Variants in PHIP observed in about 807,000 individuals in gnomAD.
PHIP encodes PH-interacting protein.
A neutral mutation model predicts 236.8 loss-of-function variants in PHIP; 54 were observed. The observed-to-expected ratio is 0.23, with a 90% CI of 0.18 to 0.29. The LOEUF is 0.29. Among genes scored for constraint, PHIP ranks in the 10% least tolerant of loss-of-function variants. The pLI is 1.00. For synonymous variants in PHIP, 756 were observed against 718.9 expected (o/e 1.05, Z -0.83); for missense variants, 1,370 against 2,190.8 (o/e 0.63, Z 7.48).
intron 9 of PHIP, 135 bp downstream of exon 9, chr6:79,025,384 G>A (rs773968792): frequency 1.7e-6 from 1 of 573,910 alleles, no homozygotes; most frequent in African/African-American, 1.9e-5. Context: ...GGTTAGTAAA[G>A]AGCCAAAAGA....
chr6:78,975,428 G>A (rs1483867570), intron 24 of PHIP, among the ~76,000 whole-genome samples: 9 of 152,138 alleles, frequency 5.9e-5, no homozygotes, highest in Admixed American at 3.3e-4. Context: ...TACTGAATGG[G>A]CAAAAACTGG....
intron 7 of PHIP, among the ~76,000 whole-genome samples, chr6:79,029,410 G>A (rs1320327808): frequency 3.3e-5 from 5 of 152,032 alleles, no homozygotes; most frequent in Non-Finnish European, 7.4e-5. Context: ...ACTCTTTTAA[G>A]ATGACTATAC....
intron 19 of PHIP, among the ~76,000 whole-genome samples, chr6:78,991,292 G>C (rs180871680): frequency 4.6e-5 from 7 of 151,570 alleles, no homozygotes; most frequent in Non-Finnish European, 1.5e-5. Flanking sequence ...ATTTTTCCAA[G>C]AGTGAGAAAT....
rs532096753 is a variant in PHIP, at chr6:79,008,834, G to A, written c.1525-4976C>T. Among the ~76,000 whole-genome samples, 16 of 152,190 alleles carry A rather than the reference G, an allele frequency of 1.1e-4. No homozygotes were observed. In the South Asian group the frequency reaches 3.1e-3, roughly 30 times the overall value. On this transcript the variant is annotated intron_variant, in intron 15 of 39. Coordinates refer to ENST00000275034, the MANE Select transcript of PHIP (RefSeq NM_017934.7). Reference sequence around the variant, plus strand: ...TATTACAAATGAACTGAATAAAGAAGTCAGTTCTCCCTTATGTCTTTCATA... The same window carrying A: ...TATTACAAATGAACTGAATAAAGAAATCAGTTCTCCCTTATGTCTTTCATA...
intron 9 of PHIP, among the ~76,000 whole-genome samples, chr6:79,021,820 A>T (rs1242640023): frequency 6.6e-6 from 1 of 152,164 alleles, no homozygotes; most frequent in Non-Finnish European, 1.5e-5. Flanking sequence ...ATAGCACAAC[A>T]GGGTAACTAT....
chr6:78,961,747 A>C lies in PHIP; in HGVS notation c.3599T>G (p.Val1200Gly). ...TGTACTTAGATCCGTTGGATATGCCACTACTGTGCAATACATGGGATAGGC... is the reference window on the plus strand; with the variant it reads ...TGTACTTAGATCCGTTGGATATGCCCCTACTGTGCAATACATGGGATAGGC... Reference protein sequence around the residue: ...LQAYPMYCTVVAYPTDLSTIK... With the variant: ...LQAYPMYCTVGAYPTDLSTIK... Residue 1200 changes from valine to glycine, a missense_variant, in exon 31 of 40, where the codon GTG (valine) becomes GGG (glycine). Transcript: ENST00000275034. 1 of 1,612,392 alleles carries C rather than the reference A, an allele frequency of 6.2e-7. No individual in the cohort carries two copies. Among genetic ancestry groups the C allele is most frequent in the South Asian group, 1.1e-5 (1 of 91,010 alleles).
chr6:79,060,663 C>A lies in PHIP; in HGVS notation c.340+5G>T. ...TGTCTAAATCCTATGAGAAAATTTT[C>A]ATACTTTTATTTGTGCGTAGTAAAG... is the stretch of plus-strand genomic sequence containing the variant. On this transcript the variant is annotated splice_donor_5th_base_variant and intron_variant, in intron 5 of 39. Transcript: ENST00000275034. 1 of 1,609,818 alleles carries A rather than the reference C, an allele frequency of 6.2e-7. No homozygotes were observed.
At chr6:79,020,922 TTAAATTAG>T (rs1430956103) in intron 9 of PHIP, among the ~76,000 whole-genome samples, 1 of 152,174 alleles carries the variant, frequency 6.6e-6, no homozygotes, top group African/African-American at 2.4e-5. Context: ...TTTTAAAGTA[TTAAATTAG>T]TGTGACAATG....
intron 35 of PHIP, among the ~76,000 whole-genome samples, chr6:78,951,723 G>C (rs759019836): frequency 6.6e-6 from 1 of 152,176 alleles, no homozygotes; most frequent in Non-Finnish European, 1.5e-5. Context: ...ACATGTAAAA[G>C]ATGACTGCAT....
At chr6:79,047,715 T>C (rs1772572606) in intron 6 of PHIP, among the ~76,000 whole-genome samples, 1 of 152,096 alleles carries the variant, frequency 6.6e-6, no homozygotes, top group African/African-American at 2.4e-5. Context: ...TTCACAAATT[T>C]TACACAGTCA....
At chr6:78,979,941 C>T (rs1039495900) in intron 23 of PHIP, among the ~76,000 whole-genome samples, 2 of 151,920 alleles carry the variant, frequency 1.3e-5, no homozygotes, top group Non-Finnish European at 2.9e-5. Context: ...TTCCTATTAG[C>T]CACAGCCACA....
chr6:78,968,486 A>G (rs796369707), intron 27 of PHIP, among the ~76,000 whole-genome samples: 11 of 152,320 alleles, frequency 7.2e-5, no homozygotes, highest in African/African-American at 2.6e-4. Context: ...AACTTTTCAC[A>G]TCGGGGGGTT....
intron 4 of PHIP, among the ~76,000 whole-genome samples, chr6:79,076,226 C>T (rs1397179002): frequency 6.6e-6 from 1 of 152,248 alleles, no homozygotes; most frequent in African/African-American, 2.4e-5. Flanking sequence ...CCAAAAAAAG[C>T]GCCATTATAA....
In PHIP at chr6:78,966,069, A is replaced by G. The variant is rs1333900037; in HGVS notation, c.3206-13T>C. 2.0e-6 allele frequency: 3 copies of G among 1,493,082 alleles called. No homozygotes were observed. Among genetic ancestry groups the G allele is most frequent in the African/African-American group, 2.8e-5 (2 of 72,454 alleles). 92.5% of individuals were successfully genotyped at this position (1,493,082 alleles called of 1,614,324 possible). A position where few individuals can be genotyped will look rare whatever the true frequency, so the allele number is the denominator to read the frequency against. Reference sequence around the variant, plus strand: ...CTGAAGCGGTCACCTGGCCAAGAACAAAAACTAACTCATCATTCTGAAATG... The same window carrying G: ...CTGAAGCGGTCACCTGGCCAAGAACGAAAACTAACTCATCATTCTGAAATG... On this transcript the variant is annotated splice_polypyrimidine_tract_variant and intron_variant, in intron 27 of 39. Transcript: ENST00000275034.
intron 7 of PHIP, among the ~76,000 whole-genome samples, chr6:79,027,184 T>A (rs1401833413): frequency 1.3e-5 from 2 of 152,132 alleles, no homozygotes; most frequent in Admixed American, 6.6e-5. Context: ...ATATAAATCA[T>A]CATACTGACA....
chr6:78,963,435 AATG>A (rs1458893294), intron 29 of PHIP, among the ~76,000 whole-genome samples, 183 bp from the exon 30 acceptor site: 1 of 152,210 alleles, frequency 6.6e-6, no homozygotes, highest in East Asian at 1.9e-4. Context: ...TTAATTTTTA[AATG>A]ATACTATAAG....
chr6:79,065,460 C>T (rs1450345431), intron 4 of PHIP, among the ~76,000 whole-genome samples: 6 of 152,100 alleles, frequency 3.9e-5, no homozygotes, highest in Non-Finnish European at 7.4e-5. Context: ...AGGTTATTTA[C>T]GCATAATCTC....
rs189986218 is a variant in PHIP at position 78,955,402 on chromosome 6, C to G, written c.3853-120G>C. On this transcript the variant is annotated intron_variant, in intron 33 of 39. Coordinates refer to ENST00000275034, the MANE Select transcript of PHIP (RefSeq NM_017934.7). ...AACACCTGTAATGTATATGCTGGGG[C>G]ACTTTATTGACTCATTAAAAAGGTT... 3.7e-4 allele frequency: 268 copies of G among 715,420 alleles called. No individual in the cohort carries two copies. In the African/African-American group the frequency reaches 4.5e-3, roughly 12 times the overall value. 44.3% of individuals were successfully genotyped at this position (715,420 alleles called of 1,614,324 possible). A position where few individuals can be genotyped will look rare whatever the true frequency, so the allele number is the denominator to read the frequency against.
At chr6:79,065,805 CAGA>C (rs1362690591) in intron 4 of PHIP, among the ~76,000 whole-genome samples, 2 of 139,918 alleles carry the variant, frequency 1.4e-5, no homozygotes, top group African/African-American at 5.3e-5. Context: ...CACACACACA[CAGA>C]ATAAACAAAA....
Sources: gnomAD v4.1 joint callset for allele counts (sites outside exome capture counted in the v4.1 genomes callset) on GRCh38, gnomAD v4.1.1 for gene constraint, MANE v1.5 for transcripts, NCBI Gene and HGNC (gene_info 2026-07-23, HGNC 2026-07-21) for gene names.